The following NOP9 variants were observed in gnomAD, a reference collection of about 807,000 sequenced individuals.
NOP9 encodes NOP9 nucleolar protein, also known as nucleolar protein 9.
NOP9 carries 50 observed loss-of-function variants against 63.0 expected under a neutral mutation model. That is an observed-to-expected ratio of 0.79 (90% CI 0.63 to 1.00). The LOEUF (loss-of-function observed/expected upper bound fraction) is 1.00, where lower values mean the gene tolerates loss of function less well. NOP9 is among the 50% of genes least tolerant of loss of function. The pLI is 0.00. For synonymous variants in NOP9, 343 were observed against 332.8 expected (o/e 1.03, Z -0.33); for missense variants, 758 against 803.0 (o/e 0.94, Z 0.68).
At position 24,306,152 on chromosome 14, in the gene NOP9, T is replaced by A; in HGVS notation, c.*1057T>A. ...AGCACTCCACTCTGTAGGACACCCT[T>A]GTCAGTGCAGTAGATCCTCATACCA... On this transcript the variant is annotated 3_prime_UTR_variant, in exon 10 of 10. Transcript: ENST00000267425. 1 of 1,610,636 alleles carries A rather than the reference T, an allele frequency of 6.2e-7. No homozygotes were observed. Among genetic ancestry groups the A allele is most frequent in the East Asian group, 2.2e-5 (1 of 44,844 alleles).
the NOP9 span, among the ~76,000 whole-genome samples, chr14:24,281,864 G>T: frequency 7.1e-6 from 1 of 141,430 alleles, no homozygotes; most frequent in Admixed American, 7.6e-5. Context: ...TCACCATTCT[G>T]CCCAGTCCCC....
Position 24,305,536 on chromosome 14 carries a change from C to G in NOP9, c.*441C>G. On this transcript the variant is annotated 3_prime_UTR_variant, in exon 10 of 10. Coordinates refer to ENST00000267425, the MANE Select transcript of NOP9 (RefSeq NM_174913.3). ...ACAGTGGGGAAATTGGGTGGGTTAT[C>G]TAGCCTGTACTGTCTGCAGGTCCTG... 6.8e-7 allele frequency: 1 copy of G among 1,468,166 alleles called. No individual in the cohort carries two copies. Among genetic ancestry groups the G allele is most frequent in the Non-Finnish European group, 9.2e-7 (1 of 1,092,298 alleles). 90.9% of individuals were successfully genotyped at this position (1,468,166 alleles called of 1,614,324 possible).
At chr14:24,293,460 G>C in the NOP9 span, 5 of 152,152 alleles carry the variant, frequency 3.3e-5, no homozygotes, top group Admixed American at 2.6e-4. Flanking sequence ...TATAGTCCCA[G>C]CTACTCGGGA....
chr14:24,291,483 T>C, the NOP9 span: 1 of 1,496,134 alleles, frequency 6.7e-7, no homozygotes, highest in Non-Finnish European at 9.3e-7. Context: ...CCGAGCCAGA[T>C]CTGGGCACTG....
In NOP9 at chr14:24,305,448, A is replaced by G. The variant is rs73591411; in HGVS notation, c.*353A>G. On this transcript the variant is annotated 3_prime_UTR_variant, in exon 10 of 10. Transcript: ENST00000267425. ...TAGGAAAGAACAGCATTCTTCAGGTAAGGGTATAGACTTGGGATGTGAGGC... is the reference window on the plus strand; with the variant it reads ...TAGGAAAGAACAGCATTCTTCAGGTGAGGGTATAGACTTGGGATGTGAGGC... The G allele has an allele frequency of 3.7e-4, 255 of 690,124 alleles. No individual in the cohort carries two copies. The African/African-American group carries it at 4.3e-3, about 12-fold the overall frequency. 42.8% of individuals were successfully genotyped at this position (690,124 alleles called of 1,614,324 possible).
Position 24,304,100 on chromosome 14 carries a change from C to T in NOP9, c.1470C>T (p.Leu490=), listed in dbSNP as rs541322895. The change falls in exon 8 of 10, where the codon CTC becomes CTT. Residue 490 remains leucine, a synonymous_variant. Transcript: ENST00000267425. Reference sequence around the variant, plus strand: ...TGACAGTCCTTGGGTCTCTACTGCTCCAGCATCTGCTGCACTTCTCCACTC... The same window carrying T: ...TGACAGTCCTTGGGTCTCTACTGCTTCAGCATCTGCTGCACTTCTCCACTC... ...GDVTVLGSLL[L]QHLLHFSTPG... is the part of the protein sequence containing the mutation. 7 of 1,614,254 alleles carry T rather than the reference C, an allele frequency of 4.3e-6. No individual in the cohort carries two copies. Among genetic ancestry groups the T allele is most frequent in the African/African-American group, 1.3e-5 (1 of 75,078 alleles).
the NOP9 span, among the ~76,000 whole-genome samples, chr14:24,288,048 G>T: frequency 8.5e-5 from 13 of 152,174 alleles, no homozygotes; most frequent in South Asian, 1.2e-3. Context: ...ATGTTTCTAA[G>T]ATGACTGAAA....
At chr14:24,275,978 G>C in the NOP9 span, among the ~76,000 whole-genome samples, 1 of 152,204 alleles carries the variant, frequency 6.6e-6, no homozygotes, top group Non-Finnish European at 1.5e-5. Flanking sequence ...CATCTAACAC[G>C]GTTGACAGTA....
the NOP9 span, among the ~76,000 whole-genome samples, chr14:24,272,931 G>A: frequency 6.6e-6 from 1 of 152,240 alleles, no homozygotes; most frequent in East Asian, 1.9e-4. Context: ...GTGGCACCTC[G>A]AGGAAGTTCT....
At position 24,302,250 on chromosome 14, in the gene NOP9, C is replaced by T. The variant is rs751214228; in HGVS notation, c.969C>T (p.Leu323=). ...SVDGSPLLLF[L]RDQTSSRLLE... Reference sequence around the variant, plus strand: ...TCCCTAGTCCCCTACTGCTATTTCTCCGAGATCAGACGAGTTCCAGACTCC... The same window carrying T: ...TCCCTAGTCCCCTACTGCTATTTCTTCGAGATCAGACGAGTTCCAGACTCC... Residue 323 remains leucine (L), a synonymous_variant, in exon 5 of 10, where the codon CTC becomes CTT. Coordinates refer to ENST00000267425, the MANE Select transcript of NOP9 (RefSeq NM_174913.3). The T allele has an allele frequency of 6.2e-7, 1 of 1,612,714 alleles. No individual in the cohort carries two copies. The highest frequency in any genetic ancestry group is 8.5e-7 in the Non-Finnish European group (1 of 1,178,818).
chr14:24,303,982 G>A lies in NOP9; in HGVS notation c.1411-59G>A, dbSNP rs990203564. ...CAGGTGGAGGTGGCAGTGTTCTGGG[G>A]ATGGGCTCATCCACCTGGCTTGTTG... On this transcript the variant is annotated intron_variant, in intron 7 of 9. Coordinates refer to ENST00000267425, the MANE Select transcript of NOP9 (RefSeq NM_174913.3). 1.1e-5 allele frequency: 18 copies of A among 1,580,362 alleles called. No individual in the cohort carries two copies. The Admixed American group carries it at 2.7e-4, about 24-fold the overall frequency.
chr14:24,286,440 T>A, the NOP9 span, among the ~76,000 whole-genome samples: 1 of 152,162 alleles, frequency 6.6e-6, no homozygotes, highest in Non-Finnish European at 1.5e-5. Flanking sequence ...CTTCCAAAAT[T>A]CAAATCTGAT....
At position 24,300,320 on chromosome 14, in the gene NOP9, C is replaced by T. The variant is rs1244778724; in HGVS notation, c.248-88C>T. The T allele has an allele frequency of 7.1e-6, 11 of 1,543,072 alleles. No homozygotes were observed. In the Middle Eastern group the frequency reaches 1.4e-3, roughly 194 times the overall value. On this transcript the variant is annotated intron_variant, in intron 1 of 9. Coordinates refer to ENST00000267425, the MANE Select transcript of NOP9 (RefSeq NM_174913.3). ...CATTTCCCATGTCCTCTTCCTCGGC[C>T]TCCGACCCACGACCCTTGGTTAAGC...
rs554587564 is a variant in NOP9, at chr14:24,304,023, T to G, written c.1411-18T>G. The G allele has an allele frequency of 1.9e-6, 3 of 1,610,606 alleles. No homozygotes were observed. The South Asian group carries it at 3.3e-5, about 18-fold the overall frequency. ...TGGCTTGTTGGTGCCTCCTAATTTC[T>G]TATCTCTGCGCTGCCAGGTGGCAAT... On this transcript the variant is annotated intron_variant, in intron 7 of 9. Transcript: ENST00000267425.
chr14:24,299,219 G>A (rs2041322022), upstream of NOP9: 1 of 1,271,576 alleles, frequency 7.9e-7, no homozygotes, highest in Admixed American at 2.7e-5. Flanking sequence ...ACCTCACTAG[G>A]GCTAAGAGGA....
chr14:24,287,210 G>A, the NOP9 span, among the ~76,000 whole-genome samples: 1 of 152,206 alleles, frequency 6.6e-6, no homozygotes, highest in Non-Finnish European at 1.5e-5. Context: ...TGCTTTCAAG[G>A]CTGGCACCTG....
the NOP9 span, among the ~76,000 whole-genome samples, chr14:24,285,143 ACCCT>A: frequency 6.6e-6 from 1 of 152,028 alleles, no homozygotes; most frequent in Non-Finnish European, 1.5e-5. Context: ...ATACCTCACA[ACCCT>A]TGGGCAGTTG....
At chr14:24,290,912 A>T in the NOP9 span, 2 of 1,614,024 alleles carry the variant, frequency 1.2e-6, no homozygotes, top group Admixed American at 3.3e-5. Flanking sequence ...CGGAGGAAGG[A>T]GGGCAGGTAG....
upstream of NOP9, among the ~76,000 whole-genome samples, chr14:24,295,634 G>A (rs1460257499): frequency 6.6e-6 from 1 of 152,202 alleles, no homozygotes; most frequent in African/African-American, 2.4e-5. Flanking sequence ...GGTGTGGAAG[G>A]CACCTCTCTT....
Sources: allele counts gnomAD v4.1 joint callset (sites outside exome capture counted in the v4.1 genomes callset), GRCh38; gene constraint gnomAD v4.1.1; transcripts MANE v1.5; gene names NCBI Gene and HGNC (gene_info 2026-07-23, HGNC 2026-07-21).